Variants in PMPCB observed in about 807,000 individuals in gnomAD.
PMPCB encodes mitochondrial-processing peptidase subunit beta.
Under a neutral mutation model 61.5 loss-of-function variants are expected in PMPCB, and 46 were observed. The ratio of observed to expected loss-of-function variants is 0.75; its 90% CI spans 0.59 to 0.96. The LOEUF is 0.96. Among genes scored for constraint, PMPCB ranks in the 40% least tolerant of loss-of-function variants. The pLI is 0.00. For missense variants in PMPCB, 590 were observed against 602.4 expected (o/e 0.98, Z 0.22); for synonymous variants, 191 against 201.6 (o/e 0.95, Z 0.44).
chr7:103,299,589 C>T, intron 3 of PMPCB, 60 bp downstream of exon 3: 1 of 962,470 alleles, frequency 1.0e-6, no homozygotes, highest in Non-Finnish European at 1.6e-6. Context: ...CACAAAGTCT[C>T]ATTCTTTAGA....
chr7:103,299,263 G>A (rs1364328708), intron 2 of PMPCB, among the ~76,000 whole-genome samples, 180 bp from the exon 3 acceptor site: 1 of 152,190 alleles, frequency 6.6e-6, no homozygotes, highest in African/African-American at 2.4e-5. Context: ...GCACCCAGCA[G>A]TATCCTGATC....
Position 103,312,282 on chromosome 7 carries a change from A to T in PMPCB, c.*11A>T, listed in dbSNP as rs753585538. 1 of 1,608,840 alleles carries T rather than the reference A, an allele frequency of 6.2e-7. No homozygotes were observed. ...TGGCTTCGTGATTAAAATGCTCCTA[A>T]TCAAGATTGTTTGAACACATGTATT... On this transcript the variant is annotated 3_prime_UTR_variant, in exon 13 of 13. Coordinates refer to ENST00000249269, the MANE Select transcript of PMPCB (RefSeq NM_004279.3).
the PMPCB span, among the ~76,000 whole-genome samples, chr7:103,339,455 C>G: frequency 6.6e-6 from 1 of 152,316 alleles, no homozygotes; most frequent in Admixed American, 6.5e-5. Flanking sequence ...TTCTTTACTA[C>G]CCAGCTTTGA....
chr7:103,343,617 T>A, the PMPCB span, among the ~76,000 whole-genome samples: 1 of 152,164 alleles, frequency 6.6e-6, no homozygotes, highest in African/African-American at 2.4e-5. Context: ...TACAAACTTG[T>A]AGTAAAGGTA....
intron 4 of PMPCB, among the ~76,000 whole-genome samples, chr7:103,303,523 T>C (rs973799792): frequency 1.3e-5 from 2 of 152,208 alleles, no homozygotes; most frequent in Non-Finnish European, 2.9e-5. Flanking sequence ...CAGACTAATA[T>C]ATATAACTTT....
chr7:103,303,059 C>T (rs1817490900), intron 4 of PMPCB, among the ~76,000 whole-genome samples: 2 of 152,020 alleles, frequency 1.3e-5, no homozygotes, highest in Non-Finnish European at 2.9e-5. Context: ...ACATGTTCCA[C>T]TTCACTTTTG....
downstream of PMPCB, among the ~76,000 whole-genome samples, chr7:103,331,236 G>T (rs923959808): frequency 6.6e-6 from 1 of 152,214 alleles, no homozygotes; most frequent in African/African-American, 2.4e-5. Context: ...GGGATTACAG[G>T]CGTGAGCCAC....
downstream of PMPCB, among the ~76,000 whole-genome samples, chr7:103,333,631 A>G (rs570626416): frequency 2.0e-5 from 3 of 152,280 alleles, no homozygotes; most frequent in South Asian, 2.1e-4. Flanking sequence ...CCATCATCCA[A>G]AAAGTTCCCT....
intron 12 of PMPCB, chr7:103,322,774 A>G (rs1818491139): frequency 6.2e-7 from 1 of 1,606,226 alleles, no homozygotes; most frequent in African/African-American, 1.3e-5. Context: ...CTGCTTTTCA[A>G]TCCATCTCCT....
intron 12 of PMPCB, chr7:103,327,365 A>G (rs751943837): frequency 7.9e-7 from 1 of 1,271,686 alleles, no homozygotes; most frequent in South Asian, 1.3e-5. Context: ...TCTGATAAGA[A>G]TCACCTGGGG....
Position 103,310,326 on chromosome 7 carries a change from C to G in PMPCB, c.1005C>G (p.Ser335Arg), listed in dbSNP as rs1439147890. Residue 335 changes from serine (S) to arginine (R), a missense_variant, in exon 9 of 13, where the codon AGC becomes AGG. Physicochemically the swap from Ser to Arg is moderately radical, Grantham distance 110. Transcript: ENST00000249269. ...RSFGGGMNLS[S>R]KLAQLTCHGN... ...TTTTTTCCTTGCAGAATTTATCTAG[C>G]AAGCTGGCCCAGCTCACTTGTCATG... The G allele has an allele frequency of 6.2e-7, 1 of 1,610,640 alleles. No individual in the cohort carries two copies. The highest frequency in any genetic ancestry group is 2.2e-5 in the East Asian group (1 of 44,830).
rs1382974517 is a variant in PMPCB, at chr7:103,314,654, T to C, written c.*2383T>C. 2.0e-6 allele frequency: 2 copies of C among 985,246 alleles called. No homozygotes were observed. Among genetic ancestry groups the C allele is most frequent in the Non-Finnish European group, 2.4e-6 (2 of 829,864 alleles). The allele number at this position is 985,246 out of a possible 1,614,324, so 61.0% of individuals were successfully genotyped here. A position where few individuals can be genotyped will look rare whatever the true frequency, so the allele number is the denominator to read the frequency against. ...CTGAAACCCTGCCTTGTTACTTACC[T>C]TTATTAAAAGAACCGAAATAATGCC... On this transcript the variant is annotated 3_prime_UTR_variant, in exon 13 of 13. Coordinates refer to ENST00000249269, the MANE Select transcript of PMPCB (RefSeq NM_004279.3).
chr7:103,318,297 T>C (rs908362760), downstream of PMPCB, among the ~76,000 whole-genome samples: 2 of 152,106 alleles, frequency 1.3e-5, no homozygotes, highest in African/African-American at 2.4e-5. Context: ...TCCTGAGAAG[T>C]TGGGACTACA....
chr7:103,331,922 A>C (rs1410013790), downstream of PMPCB, among the ~76,000 whole-genome samples: 1 of 152,158 alleles, frequency 6.6e-6, no homozygotes. Context: ...TTTTTTGAGA[A>C]ATCTCCATAC....
chr7:103,316,762 T>C, downstream of PMPCB: 2 of 1,277,382 alleles, frequency 1.6e-6, no homozygotes, highest in South Asian at 1.4e-5. Flanking sequence ...GTGCTGCTAT[T>C]TGGAGTCTGT....
At chr7:103,327,929 T>C (rs1219736721) in intron 12 of PMPCB, among the ~76,000 whole-genome samples, 6 of 152,180 alleles carry the variant, frequency 3.9e-5, no homozygotes, top group East Asian at 3.8e-4. Context: ...TTTCTTCTTA[T>C]TATTTTTTGA....
chr7:103,344,311 T>C, the PMPCB span: 3 of 575,616 alleles, frequency 5.2e-6, no homozygotes, highest in Admixed American at 3.2e-5. Context: ...GCCCAATCCA[T>C]GAGTCAGCAG....
the PMPCB span, chr7:103,345,061 A>G: frequency 3.1e-6 from 1 of 323,058 alleles, no homozygotes; most frequent in Admixed American, 4.8e-5. Context: ...CAGGAGCGCT[A>G]TACTTTTAAG....
At chr7:103,315,793 T>C (rs749167598), downstream of PMPCB, 9 of 1,613,720 alleles carry the variant, frequency 5.6e-6, no homozygotes, top group Middle Eastern at 1.6e-4. Flanking sequence ...CGTTGCGTTG[T>C]CTGCTTGAGG....
Sources: gnomAD v4.1 joint callset for allele counts (sites outside exome capture counted in the v4.1 genomes callset) on GRCh38, gnomAD v4.1.1 for gene constraint, MANE v1.5 for transcripts, NCBI Gene and HGNC (gene_info 2026-07-23, HGNC 2026-07-21) for gene names.